ATXN2: variants seen among roughly 807,000 people sequenced by gnomAD.
ATXN2 encodes the protein ataxin 2.
ATXN2 carries 37 observed loss-of-function variants against 138.6 expected under a neutral mutation model. The observed-to-expected ratio is 0.27, with a 90% CI of 0.21 to 0.35. The LOEUF is 0.35. Ranked by LOEUF, ATXN2 falls within the 10% of genes least tolerant of loss-of-function variation. ATXN2 has a pLI of 1.00. For missense variants in ATXN2, 1,216 were observed against 1,480.3 expected, an observed-to-expected ratio of 0.82 and a Z score of 2.93; for synonymous variants, 549 against 543.7, an observed-to-expected ratio of 1.01 and a Z score of -0.13.
chr12:111,525,174 T>G lies in ATXN2; in HGVS notation c.696+18A>C. ...ATACTGACCAGAGTCTAGCAATAAT[T>G]ACAAAGATGTTACTTACTACGTCAT... On this transcript the variant is annotated intron_variant, in intron 6 of 24. Coordinates refer to ENST00000673436, the MANE Select transcript of ATXN2 (RefSeq NM_001372574.1). 1 of 1,600,872 alleles carries G rather than the reference T, an allele frequency of 6.2e-7. No individual in the cohort carries two copies. The highest frequency in any genetic ancestry group is 1.1e-5 in the South Asian group (1 of 88,270).
rs75656375 is a variant in ATXN2 at position 111,527,316 on chromosome 12, T to C, written c.572-2000A>G. ...CACTGTTCCTTCCCAGTACTGTAAG[T>C]TGCCACTAAGAGGAGGAAGGGACGA... On this transcript the variant is annotated intron_variant, in intron 5 of 24. Coordinates refer to ENST00000673436, the MANE Select transcript of ATXN2 (RefSeq NM_001372574.1). 9.2e-4 allele frequency among the ~76,000 whole-genome samples: 140 copies of C among 152,318 alleles called. 2 individuals carry two copies. Among genetic ancestry groups the C allele is most frequent in the African/African-American group, 3.2e-3 (135 of 41,578 alleles).
chr12:111,541,513 G>A (rs938460137), intron 5 of ATXN2, among the ~76,000 whole-genome samples: 8 of 147,524 alleles, frequency 5.4e-5, no homozygotes, highest in Non-Finnish European at 9.1e-5. Flanking sequence ...CACCATGACC[G>A]GCTAATTTTG....
chr12:111,557,132 T>C (rs922433019), intron 1 of ATXN2, among the ~76,000 whole-genome samples: 1 of 152,248 alleles, frequency 6.6e-6, no homozygotes, highest in African/African-American at 2.4e-5. Flanking sequence ...TGAAATGTTA[T>C]ATTTCTCATA....
chr12:111,500,432 A>T (rs1878689580), intron 14 of ATXN2, among the ~76,000 whole-genome samples: 2 of 152,212 alleles, frequency 1.3e-5, no homozygotes, highest in East Asian at 3.8e-4. Flanking sequence ...ACACATGGAG[A>T]TAGCAGAATG....
intron 18 of ATXN2, among the ~76,000 whole-genome samples, chr12:111,482,423 T>G (rs2135693095): frequency 1.3e-5 from 2 of 151,940 alleles, no homozygotes; most frequent in African/African-American, 4.8e-5. Context: ...CTTGATCTCC[T>G]GACCTCGTGA....
intron 1 of ATXN2, among the ~76,000 whole-genome samples, chr12:111,568,283 A>C (rs112906667): frequency 2.6e-4 from 39 of 152,198 alleles, no homozygotes; most frequent in East Asian, 2.5e-3. Flanking sequence ...CAAAACAAAA[A>C]AAAAAACTGG....
intron 5 of ATXN2, among the ~76,000 whole-genome samples, chr12:111,546,203 T>A (rs1881791700): frequency 6.6e-6 from 1 of 152,226 alleles, no homozygotes; most frequent in Non-Finnish European, 1.5e-5. Flanking sequence ...CAATTAGTTG[T>A]AAGTTTAAAG....
chr12:111,474,379 G>T (rs1212136199), intron 18 of ATXN2, among the ~76,000 whole-genome samples: 1 of 150,532 alleles, frequency 6.6e-6, no homozygotes, highest in Non-Finnish European at 1.5e-5. Flanking sequence ...AAGATAGAAA[G>T]ATGGTGAGAC....
At chr12:111,534,198 G>A (rs760598147) in intron 5 of ATXN2, among the ~76,000 whole-genome samples, 26 of 151,936 alleles carry the variant, frequency 1.7e-4, no homozygotes, top group Non-Finnish European at 2.8e-4. Context: ...TCAGGAGTTC[G>A]AAACCAACCT....
chr12:111,481,579 A>AG (rs1167314721), intron 18 of ATXN2, among the ~76,000 whole-genome samples: 2 of 152,240 alleles, frequency 1.3e-5, no homozygotes, highest in Non-Finnish European at 2.9e-5. Context: ...AAAATGATGC[A>AG]GCTGCTTTGG....
At chr12:111,571,263 G>C (rs1883295766) in intron 1 of ATXN2, among the ~76,000 whole-genome samples, 1 of 152,180 alleles carries the variant, frequency 6.6e-6, no homozygotes, top group Non-Finnish European at 1.5e-5. Flanking sequence ...AAGGGGATTA[G>C]GATGCCAAAT....
chr12:111,477,268 G>A lies in ATXN2; in HGVS notation c.2525-6526C>T, dbSNP rs1280660820. On this transcript the variant is annotated intron_variant, in intron 18 of 24. Transcript: ENST00000673436. Reference sequence around the variant, plus strand: ...CTACTCGAGAGGCTGAGGCAGAATCGCTTGACCCTGGGAAGTGGAGGTTGC... The same window carrying A: ...CTACTCGAGAGGCTGAGGCAGAATCACTTGACCCTGGGAAGTGGAGGTTGC... Among the ~76,000 whole-genome samples the A allele has an allele frequency of 2.6e-5, 4 of 151,572 alleles. No homozygotes were observed. In the East Asian group the frequency reaches 5.8e-4, roughly 22 times the overall value.
intron 5 of ATXN2, among the ~76,000 whole-genome samples, chr12:111,551,080 C>T (rs777270995): frequency 1.3e-5 from 2 of 152,044 alleles, no homozygotes; most frequent in African/African-American, 2.4e-5. Context: ...GGGCGGATCA[C>T]GAGGTCAAAC....
intron 10 of ATXN2, among the ~76,000 whole-genome samples, chr12:111,515,887 C>T (rs544657705): frequency 1.6e-4 from 24 of 152,172 alleles, no homozygotes; most frequent in Non-Finnish European, 2.8e-4. Flanking sequence ...GTGGGGCAGA[C>T]CCTTCTGGGG....
At position 111,564,130 on chromosome 12, in the gene ATXN2, C is replaced by T. The variant is rs909731731; in HGVS notation, c.252-8211G>A. Among the ~76,000 whole-genome samples, 10 of 152,068 alleles carry T rather than the reference C, an allele frequency of 6.6e-5. 1 individual carries two copies. The highest frequency in any genetic ancestry group is 2.4e-4 in the African/African-American group (10 of 41,402). On this transcript the variant is annotated intron_variant, in intron 1 of 24. Coordinates refer to ENST00000673436, the MANE Select transcript of ATXN2 (RefSeq NM_001372574.1). Reference sequence around the variant, plus strand: ...TAGCCCCCAAAGGCACATTGTGTGGCCAAAGAAACACCTTGATTTCAACAT... The same window carrying T: ...TAGCCCCCAAAGGCACATTGTGTGGTCAAAGAAACACCTTGATTTCAACAT...
intron 8 of ATXN2, 71 bp from the exon 9 acceptor site, chr12:111,518,498 CAT>C: frequency 6.9e-7 from 1 of 1,442,556 alleles, no homozygotes; most frequent in South Asian, 1.4e-5. Context: ...ATCTAAAAGT[CAT>C]CTAGACAGAA....
intron 11 of ATXN2, chr12:111,513,021 A>AG (rs894915090): frequency 3.2e-5 from 8 of 249,766 alleles, no homozygotes; most frequent in Non-Finnish European, 6.1e-5. Context: ...CATATTAGAG[A>AG]GGTACTTTAC....
intron 7 of ATXN2, 40 bp downstream of exon 7, chr12:111,520,842 G>T: frequency 8.7e-7 from 1 of 1,152,210 alleles, no homozygotes; most frequent in Non-Finnish European, 1.2e-6. Context: ...GAAAATCAAA[G>T]ACAAATGCAC....
At chr12:111,599,490 G>A (rs1331860750), upstream of ATXN2, 12 of 1,214,916 alleles carry the variant, frequency 9.9e-6, no homozygotes, top group East Asian at 3.4e-5. Context: ...GCGGGACTCC[G>A]AGGAGCTGCG....
Sources: allele counts gnomAD v4.1 joint callset (sites outside exome capture counted in the v4.1 genomes callset), GRCh38; gene constraint gnomAD v4.1.1; transcripts MANE v1.5; gene names NCBI Gene and HGNC (gene_info 2026-07-23, HGNC 2026-07-21).